Variants in ZNF425 observed in about 807,000 individuals in gnomAD.
ZNF425 encodes the protein zinc finger protein 425.
A neutral mutation model predicts 17.0 loss-of-function variants in ZNF425; 21 were observed. The ratio of observed to expected loss-of-function variants is 1.23; its 90% confidence interval spans 0.88 to 1.78. ZNF425 has a LOEUF of 1.78. ZNF425 is among the 40% of genes most tolerant of loss of function. ZNF425 has a pLI of 0.00. For synonymous variants in ZNF425, 433 were observed against 384.1 expected, an observed-to-expected ratio of 1.13 and a Z score of -1.49; for missense variants, 868 against 967.3, an observed-to-expected ratio of 0.90 and a Z score of 1.36.
Position 149,103,864 on chromosome 7 carries a change from C to G in ZNF425, c.2007G>C (p.Pro669=). The change falls in exon 4 of 4, where the codon CCG becomes CCC. Residue 669 remains proline, a synonymous_variant. Transcript: ENST00000378061. Reference sequence around the variant, plus strand: ...TGATGCAGTAGCTCTTGTCACACTCCGGACACTGGAAGGGCTTCTCCCCGC... The same window carrying G: ...TGATGCAGTAGCTCTTGTCACACTCGGGACACTGGAAGGGCTTCTCCCCGC... The part of the protein sequence containing the change: ...VHSGEKPFQC[P]ECDKSYCIRG... The G allele has an allele frequency of 6.2e-7, 1 of 1,613,556 alleles. No homozygotes were observed. Among genetic ancestry groups the G allele is most frequent in the Non-Finnish European group, 8.5e-7 (1 of 1,179,892 alleles).
intron 1 of ZNF425, among the ~76,000 whole-genome samples, chr7:149,122,731 C>T (rs1563149326): frequency 6.6e-6 from 1 of 151,744 alleles, no homozygotes; most frequent in Non-Finnish European, 1.5e-5. Flanking sequence ...AGTCTCGTTC[C>T]GTCGCCCAGG....
chr7:149,107,964 C>G (rs1008094479), intron 3 of ZNF425, among the ~76,000 whole-genome samples: 2 of 151,814 alleles, frequency 1.3e-5, no homozygotes, highest in Non-Finnish European at 2.9e-5. Flanking sequence ...CTCCAGGGCT[C>G]AAGTGATCCT....
At position 149,104,820 on chromosome 7, in the gene ZNF425, G is replaced by A; in HGVS notation, c.1051C>T (p.Gln351Ter). ...TGGAAGGGCCTCTTCCCGCTGTGCT[G>A]GGTCAGATGGACCTTCATGCCCCTC... ...LKRGMKVHLT[Q>*]HSGKRPFHCP... Residue 351 changes from glutamine (Q) to a stop codon, truncating the protein, a stop_gained, in exon 4 of 4, where the codon CAG becomes TAG. Transcript: ENST00000378061. LOFTEE classifies it low-confidence loss of function (END_TRUNC). The surrounding 1 kb of genome is among the most constrained non-coding windows in gnomAD (Gnocchi z 4.3). 1 of 1,613,846 alleles carries A rather than the reference G, an allele frequency of 6.2e-7. No individual in the cohort carries two copies. Among genetic ancestry groups the A allele is most frequent in the Non-Finnish European group, 8.5e-7 (1 of 1,179,990 alleles).
At position 149,103,433 on chromosome 7, in the gene ZNF425, G is replaced by T; in HGVS notation, c.*179C>A. Reference sequence around the variant, plus strand: ...GAGTCTTGCAATGTTGCCTAGGCTGGTCTCAAACTTCTGGGCTCAAGCGAT... The same window carrying T: ...GAGTCTTGCAATGTTGCCTAGGCTGTTCTCAAACTTCTGGGCTCAAGCGAT... On this transcript the variant is annotated 3_prime_UTR_variant, in exon 4 of 4. Coordinates refer to ENST00000378061, the MANE Select transcript of ZNF425 (RefSeq NM_001001661.3). The T allele has an allele frequency of 1.4e-6, 1 of 720,794 alleles. No homozygotes were observed. The highest frequency in any genetic ancestry group is 2.2e-6 in the Non-Finnish European group (1 of 454,102). 44.6% of individuals were successfully genotyped at this position (720,794 alleles called of 1,614,324 possible).
At chr7:149,125,127 GA>G (rs1266603924) in intron 1 of ZNF425, among the ~76,000 whole-genome samples, 2 of 152,148 alleles carry the variant, frequency 1.3e-5, no homozygotes, top group African/African-American at 4.8e-5. Flanking sequence ...GGAGAAATCA[GA>G]AAAGAATCTG....
Position 149,118,298 on chromosome 7 carries a change from C to T in ZNF425, c.69G>A (p.Trp23Ter). The T allele has an allele frequency of 1.2e-6, 2 of 1,614,092 alleles. No homozygotes were observed. The highest frequency in any genetic ancestry group is 1.3e-5 in the African/African-American group (1 of 75,018). ...DVALYFSEQE[W>*]EILEKWQKQM... is the part of the protein sequence containing the mutation. ...GCTTCTGCCACTTCTCCAGGATCTC[C>T]CACTCTTGTTCCGAAAAATATAAGG... The change falls in exon 2 of 4, where the codon TGG (tryptophan) becomes TGA (stop). Residue 23 changes from tryptophan (W) to a stop codon, truncating the protein, a stop_gained. Transcript: ENST00000378061. LOFTEE classifies it high-confidence loss of function.
At chr7:149,110,075 G>A (rs1236478577) in intron 3 of ZNF425, among the ~76,000 whole-genome samples, 1 of 151,498 alleles carries the variant, frequency 6.6e-6, no homozygotes, top group East Asian at 2.0e-4. Context: ...CGGGTTTCAT[G>A]ATATTGGCAA....
intron 1 of ZNF425, among the ~76,000 whole-genome samples, chr7:149,124,357 G>A (rs1826415996): frequency 6.6e-6 from 1 of 150,972 alleles, no homozygotes; most frequent in East Asian, 2.0e-4. Context: ...GAGTTTCACC[G>A]TGTTAGCCAG....
At chr7:149,107,359 A>G (rs1303954096) in intron 3 of ZNF425, among the ~76,000 whole-genome samples, 1 of 143,220 alleles carries the variant, frequency 7.0e-6, no homozygotes, top group African/African-American at 2.6e-5. Context: ...TTTTTCTGAG[A>G]CAGAGTCTAG....
chr7:149,118,491 G>T (rs543251374), intron 1 of ZNF425, 143 bp from the exon 2 acceptor site: 62 of 1,031,036 alleles, frequency 6.0e-5, no homozygotes, highest in Non-Finnish European at 8.4e-5. Context: ...CAACAAAGGG[G>T]TCACAAATAT....
At position 149,104,425 on chromosome 7, in the gene ZNF425, A is replaced by T. The variant is rs1343386741; in HGVS notation, c.1446T>A (p.Pro482=). Residue 482 remains proline, a synonymous_variant, in exon 4 of 4, where the codon CCT becomes CCA. Coordinates refer to ENST00000378061, the MANE Select transcript of ZNF425 (RefSeq NM_001001661.3). This position sits in a 1 kb window ranked among gnomAD's most constrained non-coding sequence, Gnocchi z 4.3. Reference sequence around the variant, plus strand: ...CTCTGGTGTGGCAGGCGAGCTTGGAAGGCCGCGTGAAGCGCTTGCCGCACT... The same window carrying T: ...CTCTGGTGTGGCAGGCGAGCTTGGATGGCCGCGTGAAGCGCTTGCCGCACT... ...CAECGKRFTR[P]SKLACHTRVH... 1 of 1,601,310 alleles carries T rather than the reference A, an allele frequency of 6.2e-7. No individual in the cohort carries two copies. Among genetic ancestry groups the T allele is most frequent in the Non-Finnish European group, 8.5e-7 (1 of 1,174,302 alleles).
chr7:149,105,563 T>C lies in ZNF425; in HGVS notation c.308A>G (p.Asp103Gly). 3 of 1,507,462 alleles carry C rather than the reference T, an allele frequency of 2.0e-6. No individual in the cohort carries two copies. Among genetic ancestry groups the C allele is most frequent in the East Asian group, 4.6e-5 (2 of 43,552 alleles). The allele number at this position is 1,507,462 out of a possible 1,614,324, so 93.4% of individuals were successfully genotyped here. A position where few individuals can be genotyped will look rare whatever the true frequency, so the allele number is the denominator to read the frequency against. The change falls in exon 4 of 4, where the codon GAC becomes GGC. Residue 103 changes from aspartate to glycine, a missense_variant. By Grantham distance (94) the Asp-to-Gly change is moderately conservative. Transcript: ENST00000378061. ...KNTGKLLCFD[D>G]EGTPRTKEED... Reference sequence around the variant, plus strand: ...TTCTTTTGTCCTGGGAGTTCCTTCGTCATCTGGAGCAGAAAGAAGTATCAC... The same window carrying C: ...TTCTTTTGTCCTGGGAGTTCCTTCGCCATCTGGAGCAGAAAGAAGTATCAC...
Position 149,104,254 on chromosome 7 carries a change from C to A in ZNF425, c.1617G>T (p.Ala539=), listed in dbSNP as rs755343723. ...AECGRSFRRR[A]HLTEHTRLHS... ...GAAGCCTCGTGTGCTCTGTGAGATG[C>A]GCGCGTCGGCGGAAACTGCGGCCGC... Residue 539 remains alanine, a synonymous_variant, in exon 4 of 4, where the codon GCG becomes GCT. Coordinates refer to ENST00000378061, the MANE Select transcript of ZNF425 (RefSeq NM_001001661.3). The surrounding 1 kb of genome is among the most constrained non-coding windows in gnomAD (Gnocchi z 4.3). 3.7e-6 allele frequency: 6 copies of A among 1,613,472 alleles called. No homozygotes were observed. The highest frequency in any genetic ancestry group is 5.1e-6 in the Non-Finnish European group (6 of 1,179,818).
Position 149,104,220 on chromosome 7 carries a change from C to T in ZNF425, c.1651G>A (p.Glu551Lys), listed in dbSNP as rs751063490. ...CACTCGGGACACTGGAAGGGCTCCTCGCCACTGTGAAGCCTCGTGTGCTCT... is the reference window on the plus strand; with the variant it reads ...CACTCGGGACACTGGAAGGGCTCCTTGCCACTGTGAAGCCTCGTGTGCTCT... ...LTEHTRLHSG[E>K]EPFQCPECDK... Residue 551 changes from glutamate to lysine, a missense_variant, in exon 4 of 4, where the codon GAG (glutamate) becomes AAG (lysine). Glu to Lys is a moderately conservative substitution (Grantham distance 56). This residue lies in a region of ZNF425 where 437 missense variants were observed against 444.2 expected (regional missense o/e 0.98). Transcript: ENST00000378061. The surrounding 1 kb of genome is among the most constrained non-coding windows in gnomAD (Gnocchi z 4.3). 3.7e-6 allele frequency: 6 copies of T among 1,612,914 alleles called. No individual in the cohort carries two copies. Among genetic ancestry groups the T allele is most frequent in the Non-Finnish European group, 5.1e-6 (6 of 1,179,304 alleles).
At chr7:149,120,991 C>G (rs1177458476) in intron 1 of ZNF425, among the ~76,000 whole-genome samples, 1 of 99,474 alleles carries the variant, frequency 1.0e-5, no homozygotes, top group African/African-American at 2.6e-5. Context: ...CCCAGGACTA[C>G]AACTGCTGTG....
chr7:149,114,931 C>CTTTTTTTTTTTTTTTTTTTTTTTT (rs35954198), intron 2 of ZNF425, among the ~76,000 whole-genome samples: 1 of 101,028 alleles, frequency 9.9e-6, no homozygotes, highest in Non-Finnish European at 2.0e-5. Flanking sequence ...TCTTTCTTTT[C>CTTTTTTTTTTTTTTTTTTTTTTTT]TTTTTTTTTT....
rs1563144185 is a variant in ZNF425, at chr7:149,103,959, A to G, written c.1912T>C (p.Phe638Leu). The G allele has an allele frequency of 1.9e-6, 3 of 1,613,988 alleles. No homozygotes were observed. Residue 638 changes from phenylalanine (F) to leucine (L), a missense_variant, in exon 4 of 4, where the codon TTC becomes CTC. Physicochemically the swap from Phe to Leu is conservative, Grantham distance 22. Transcript: ENST00000378061. ...CTTTTGCCGCACATCACACAAGAGA[A>G]TGGCTTTTGGCCACTGTGCTGCAGC... ...HLLQHSGQKPFSCVMCGKSFT... is the reference protein window; with the variant it reads ...HLLQHSGQKPLSCVMCGKSFT...
Position 149,105,519 on chromosome 7 carries a change from C to A in ZNF425, c.352G>T (p.Gly118Cys), listed in dbSNP as rs372671230. ...GCACACAAGTCCTGTTTTTGAGGAC[C>A]ATTTAAACGGCAATCCTCTTCTTTT... ...RTKEEDCRLN[G>C]PQKQDLCAAL... is the part of the protein sequence containing the mutation. The change falls in exon 4 of 4, where the codon GGT becomes TGT. Residue 118 changes from glycine (G) to cysteine (C), a missense_variant. Around this residue, in one of 5 missense-constraint regions of ZNF425, gnomAD observed 179 missense variants for 216.3 expected, o/e 0.83. Coordinates refer to ENST00000378061, the MANE Select transcript of ZNF425 (RefSeq NM_001001661.3). 1 of 1,517,120 alleles carries A rather than the reference C, an allele frequency of 6.6e-7. No homozygotes were observed. The highest frequency in any genetic ancestry group is 8.8e-7 in the Non-Finnish European group (1 of 1,136,498). 94.0% of individuals were successfully genotyped at this position (1,517,120 alleles called of 1,614,324 possible).
At chr7:149,109,620 T>G (rs1339365218) in intron 3 of ZNF425, among the ~76,000 whole-genome samples, 1 of 152,216 alleles carries the variant, frequency 6.6e-6, no homozygotes, top group African/African-American at 2.4e-5. Flanking sequence ...CAATCTTATT[T>G]TATAGTTGAC....
Sources: allele counts gnomAD v4.1 joint callset (sites outside exome capture counted in the v4.1 genomes callset), GRCh38; gene constraint gnomAD v4.1.1; regional missense constraint gnomAD v4.1.1; non-coding constraint Gnocchi (gnomAD v3.1); transcripts MANE v1.5; gene names NCBI Gene and HGNC (gene_info 2026-07-23, HGNC 2026-07-21).